The following GARNL3 variants were observed in gnomAD, a reference collection of about 807,000 sequenced individuals.
GARNL3 encodes the protein GTPase activating Rap/RanGAP domain like 3, also known as GTPase-activating Rap/Ran-GAP domain-like protein 3.
Under a neutral mutation model 125.0 loss-of-function variants are expected in GARNL3, and 63 were observed. The ratio of observed to expected loss-of-function variants is 0.50; its 90% CI spans 0.41 to 0.62. The LOEUF (loss-of-function observed/expected upper bound fraction) is 0.62, where lower values mean the gene tolerates loss of function less well. Ranked by LOEUF, GARNL3 falls within the 20% of genes least tolerant of loss-of-function variation. The pLI is 0.00. For missense variants in GARNL3, 994 were observed against 1,244.0 expected (o/e 0.80, Z 3.02); for synonymous variants, 439 against 457.5 (o/e 0.96, Z 0.52).
chr9:127,260,621 A>G (rs1020583916), upstream of GARNL3, among the ~76,000 whole-genome samples: 45 of 152,200 alleles, frequency 3.0e-4, 1 homozygote, highest in Admixed American at 1.3e-4. Context: ...CTGTTGGAGC[A>G]ATTCAACTCT....
chr9:127,363,489 C>CAGGCAGTGGCACTGGCTGAGGAT (rs1831123282), intron 21 of GARNL3: 2 of 152,456 alleles, frequency 1.3e-5, no homozygotes, highest in Non-Finnish European at 2.9e-5. Context: ...CACCCAAGCC[C>CAGGCAGTGGCACTGGCTGAGGAT]AGGCAGTGGC....
intron 5 of GARNL3, among the ~76,000 whole-genome samples, chr9:127,319,516 A>G (rs1318898288): frequency 6.6e-6 from 1 of 152,006 alleles, no homozygotes; most frequent in Non-Finnish European, 1.5e-5. Flanking sequence ...AAGATTAAGA[A>G]GTGAAAAATG....
rs2065166769 is a variant in GARNL3 at position 127,314,044 on chromosome 9, G to A, written c.438+485G>A. On this transcript the variant is annotated intron_variant, in intron 4 of 27. Transcript: ENST00000373387. Reference sequence around the variant, plus strand: ...CTGAACTCGTGACCACGGAAGTATAGTTGATTCCTCTGGCTCTTTTGGGTC... The same window carrying A: ...CTGAACTCGTGACCACGGAAGTATAATTGATTCCTCTGGCTCTTTTGGGTC... Among the ~76,000 whole-genome samples the A allele has an allele frequency of 2.0e-5, 3 of 152,178 alleles. No individual in the cohort carries two copies. The South Asian group carries it at 6.2e-4, about 32-fold the overall frequency.
chr9:127,320,127 A>G (rs916321347), intron 5 of GARNL3, among the ~76,000 whole-genome samples: 2 of 152,206 alleles, frequency 1.3e-5, no homozygotes, highest in African/African-American at 4.8e-5. Context: ...TGGGGCTAAA[A>G]TAGTACTTGC....
chr9:127,343,085 G>C (rs1588894235), intron 14 of GARNL3, among the ~76,000 whole-genome samples: 1 of 151,844 alleles, frequency 6.6e-6, no homozygotes, highest in Admixed American at 6.6e-5. Flanking sequence ...TTTTAGTAGG[G>C]ACGGGGTTTC....
At chr9:127,275,045 C>T (rs2063918232) in intron 1 of GARNL3, among the ~76,000 whole-genome samples, 1 of 152,198 alleles carries the variant, frequency 6.6e-6, no homozygotes, top group Non-Finnish European at 1.5e-5. Flanking sequence ...CAGCAGTGTG[C>T]ATCATCTGTT....
intron 22 of GARNL3, among the ~76,000 whole-genome samples, chr9:127,381,232 G>T (rs1191857403): frequency 6.6e-6 from 1 of 152,094 alleles, no homozygotes; most frequent in Admixed American, 6.5e-5. Context: ...TCTCAGTAAA[G>T]CTGTTATTTT....
chr9:127,280,484 T>C lies in GARNL3; in HGVS notation c.145-10684T>C, dbSNP rs2131329393. Among the ~76,000 whole-genome samples the C allele has an allele frequency of 6.6e-6, 1 of 152,336 alleles. No homozygotes were observed. The highest frequency in any genetic ancestry group is 1.5e-5 in the Non-Finnish European group (1 of 68,036). On this transcript the variant is annotated intron_variant, in intron 1 of 27. Coordinates refer to ENST00000373387, the MANE Select transcript of GARNL3 (RefSeq NM_032293.5). The surrounding 1 kb of genome is among the most constrained non-coding windows in gnomAD (Gnocchi z 4.5). ...GTCTCTTAGCTAAAATTAGATGGTGTGGGGAAGATTAAAGTGCCTTCCAAC... is the reference window on the plus strand; with the variant it reads ...GTCTCTTAGCTAAAATTAGATGGTGCGGGGAAGATTAAAGTGCCTTCCAAC...
chr9:127,369,379 T>C (rs1831481502), intron 22 of GARNL3, among the ~76,000 whole-genome samples: 2 of 152,198 alleles, frequency 1.3e-5, no homozygotes, highest in South Asian at 4.1e-4. Flanking sequence ...TCCAAGGCAC[T>C]CAAGAAAGAG....
At chr9:127,228,837 T>G (rs1391543136) in intron 1 of GARNL3, among the ~76,000 whole-genome samples, 1 of 152,196 alleles carries the variant, frequency 6.6e-6, no homozygotes, top group Non-Finnish European at 1.5e-5. Flanking sequence ...TGTTTGTTTG[T>G]TTTTGAGGCA....
intron 21 of GARNL3, among the ~76,000 whole-genome samples, chr9:127,358,213 A>C (rs898946098): frequency 1.3e-5 from 2 of 152,240 alleles, no homozygotes; most frequent in African/African-American, 4.8e-5. Flanking sequence ...CCTGTCTGTC[A>C]CTGGAGAGCG....
At chr9:127,329,015 C>CTGAA (rs901510216) in intron 7 of GARNL3, among the ~76,000 whole-genome samples, 7 of 152,182 alleles carry the variant, frequency 4.6e-5, no homozygotes, top group African/African-American at 1.7e-4. Flanking sequence ...CTTGAGAGCT[C>CTGAA]TGAATGGCTG....
At chr9:127,369,805 A>G (rs1457006106) in intron 22 of GARNL3, among the ~76,000 whole-genome samples, 2 of 152,124 alleles carry the variant, frequency 1.3e-5, no homozygotes, top group Non-Finnish European at 2.9e-5. Flanking sequence ...GTTTTTCTGA[A>G]GTGTGGGATA....
rs1411302185 is a variant in GARNL3, at chr9:127,336,222, G to A, written c.968G>A (p.Arg323His). ...CCTGCCTTTAAGCCTTCCATGATCC[G>A]CTCCCACTTTACACGTATCCTGGGC... is the stretch of plus-strand genomic sequence containing the variant. The part of the protein sequence containing the change: ...SSPAFKPSMI[R>H]SHFTHIFALV... Residue 323 changes from arginine (R) to histidine (H), a missense_variant, in exon 11 of 28, where the codon CGC (arginine) becomes CAC (histidine). Around this residue, in one of 5 missense-constraint regions of GARNL3, gnomAD observed 728 missense variants for 865.7 expected, o/e 0.84. Transcript: ENST00000373387. 7 of 1,611,400 alleles carry A rather than the reference G, an allele frequency of 4.3e-6. No individual in the cohort carries two copies. Among genetic ancestry groups the A allele is most frequent in the African/African-American group, 1.3e-5 (1 of 74,820 alleles).
Position 127,280,240 on chromosome 9 carries a change from C to T in GARNL3, c.145-10928C>T, listed in dbSNP as rs1185030384. Among the ~76,000 whole-genome samples, 4 of 152,204 alleles carry T rather than the reference C, an allele frequency of 2.6e-5. No individual in the cohort carries two copies. In the East Asian group the frequency reaches 7.7e-4, roughly 29 times the overall value. ...AACTAAACTCCCTGGGATGCTCTGC[C>T]CTCAGGACTCTCCATGTCTCGCTCC... On this transcript the variant is annotated intron_variant, in intron 1 of 27. Coordinates refer to ENST00000373387, the MANE Select transcript of GARNL3 (RefSeq NM_032293.5). This position sits in a 1 kb window ranked among gnomAD's most constrained non-coding sequence, Gnocchi z 4.5.
intron 2 of GARNL3, chr9:127,300,220 G>A (rs960887632): frequency 9.7e-6 from 3 of 307,748 alleles, no homozygotes; most frequent in African/African-American, 2.2e-5. Context: ...TGTTACTGAG[G>A]CACCACACAA....
In GARNL3 at chr9:127,264,820, C is replaced by A. The variant is rs912975006; in HGVS notation, c.-58C>A. 4.2e-6 allele frequency: 6 copies of A among 1,438,574 alleles called. No individual in the cohort carries two copies. In the African/African-American group the frequency reaches 8.6e-5, roughly 21 times the overall value. 89.1% of individuals were successfully genotyped at this position (1,438,574 alleles called of 1,614,324 possible). A position where few individuals can be genotyped will look rare whatever the true frequency, so the allele number is the denominator to read the frequency against. ...GGACTGTGTCTGTTGCAAGGAGGCT[C>A]CCCTGCAGTGAGGAGCCGGGGCACT... On this transcript the variant is annotated 5_prime_UTR_variant, in exon 1 of 28. Coordinates refer to ENST00000373387, the MANE Select transcript of GARNL3 (RefSeq NM_032293.5).
chr9:127,319,130 CA>C lies in GARNL3; in HGVS notation c.503+1007del, dbSNP rs376598008. Among the ~76,000 whole-genome samples, 115 of 152,238 alleles carry C rather than the reference CA, an allele frequency of 7.6e-4. 1 individual carries two copies. The highest frequency in any genetic ancestry group is 2.7e-3 in the African/African-American group (113 of 41,528). On this transcript the variant is annotated intron_variant, in intron 5 of 27. Coordinates refer to ENST00000373387, the MANE Select transcript of GARNL3 (RefSeq NM_032293.5). Reference sequence around the variant, plus strand: ...CCTAATAGCTACAACTCATCCTTACCAAAATGGCTCTTACAGTGACAAACTT... The same window carrying C: ...CCTAATAGCTACAACTCATCCTTACCAAATGGCTCTTACAGTGACAAACTT...
intron 6 of GARNL3, among the ~76,000 whole-genome samples, chr9:127,321,058 G>A (rs2065383456): frequency 6.6e-6 from 1 of 152,286 alleles, no homozygotes. Flanking sequence ...CCAATAGGGT[G>A]TACATTCAGA....
Sources: allele counts gnomAD v4.1 joint callset (sites outside exome capture counted in the v4.1 genomes callset), GRCh38; gene constraint gnomAD v4.1.1; regional missense constraint gnomAD v4.1.1; non-coding constraint Gnocchi (gnomAD v3.1); transcripts MANE v1.5; gene names NCBI Gene and HGNC (gene_info 2026-07-23, HGNC 2026-07-21).